Variants in TUBA3C observed in about 807,000 individuals in gnomAD.
TUBA3C encodes tubulin alpha 3c, also known as tubulin alpha-3C chain.
TUBA3C carries 23 observed loss-of-function variants against 33.4 expected under a neutral mutation model. That is an observed-to-expected ratio of 0.69 (90% CI 0.50 to 0.98). TUBA3C has a LOEUF of 0.98. TUBA3C is among the 50% of genes least tolerant of loss of function. The pLI is 0.00. For synonymous variants in TUBA3C, 269 were observed against 250.4 expected (o/e 1.07, Z -0.70); for missense variants, 402 against 616.0 (o/e 0.65, Z 3.68).
At chr13:19,176,361 A>G (rs1314737243) in intron 4 of TUBA3C, among the ~76,000 whole-genome samples, 1 of 151,908 alleles carries the variant, frequency 6.6e-6, no homozygotes, top group East Asian at 1.9e-4. Flanking sequence ...GGTTGCAGTG[A>G]ACCGAGATCA....
chr13:19,177,446 C>T lies in TUBA3C; in HGVS notation c.537G>A (p.Thr179=), dbSNP rs750520665. 40 of 1,613,940 alleles carry T rather than the reference C, an allele frequency of 2.5e-5. No individual in the cohort carries two copies. The highest frequency in any genetic ancestry group is 5.3e-5 in the African/African-American group (4 of 74,886). Residue 179 remains threonine, a synonymous_variant, in exon 4 of 5, where the codon ACG becomes ACA. Transcript: ENST00000400113. The surrounding 1 kb of genome is among the most constrained non-coding windows in gnomAD (Gnocchi z 5.0). The part of the protein sequence containing the change: ...FAIYPAPQVS[T]AVVEPYNSIL... Reference sequence around the variant, plus strand: ...TGGAGTTGTAGGGCTCCACCACGGCCGTGGAGACCTGGGGGGCTGGGTAAA... The same window carrying T: ...TGGAGTTGTAGGGCTCCACCACGGCTGTGGAGACCTGGGGGGCTGGGTAAA...
At position 19,178,332 on chromosome 13, in the gene TUBA3C, C is replaced by T. The variant is rs753712796; in HGVS notation, c.289G>A (p.Glu97Lys). 31 of 1,614,202 alleles carry T rather than the reference C, an allele frequency of 1.9e-5. No individual in the cohort carries two copies. The highest frequency in any genetic ancestry group is 2.6e-5 in the Non-Finnish European group (31 of 1,180,046). ...CTGGCGTAATTATTGGCCGCATCTTCCTTCCCGGTGATCAGCTGCTCTGGG... is the reference window on the plus strand; with the variant it reads ...CTGGCGTAATTATTGGCCGCATCTTTCTTCCCGGTGATCAGCTGCTCTGGG... ...FHPEQLITGK[E>K]DAANNYARGH... Residue 97 changes from glutamate to lysine, a missense_variant, in exon 3 of 5, where the codon GAA becomes AAA. Physicochemically the swap from Glu to Lys is moderately conservative, Grantham distance 56. Coordinates refer to ENST00000400113, the MANE Select transcript of TUBA3C (RefSeq NM_006001.3).
chr13:19,177,176 C>G lies in TUBA3C; in HGVS notation c.807G>C (p.Leu269=), dbSNP rs1869222009. The stretch of plus-strand genomic sequence containing the variant: ...CTGAGATGACCGGGGCGTAGGTGGC[C>G]AGGGGGAAGTGGATGCGGGGGTACG... ...LVPYPRIHFP[L]ATYAPVISAE... is the part of the protein sequence containing the mutation. Residue 269 remains leucine, a synonymous_variant, in exon 4 of 5, where the codon CTG becomes CTC. Coordinates refer to ENST00000400113, the MANE Select transcript of TUBA3C (RefSeq NM_006001.3). The surrounding 1 kb of genome is among the most constrained non-coding windows in gnomAD (Gnocchi z 5.0). 1.2e-6 allele frequency: 2 copies of G among 1,613,896 alleles called. No individual in the cohort carries two copies. Among genetic ancestry groups the G allele is most frequent in the Non-Finnish European group, 1.7e-6 (2 of 1,180,034 alleles).
At position 19,179,409 on chromosome 13, in the gene TUBA3C, A is replaced by T. The variant is rs143840369; in HGVS notation, c.158T>A (p.Phe53Tyr). The part of the protein sequence containing the change: ...GGGDDSFNTF[F>Y]SETGAGKHVP... ...GTGCTTGCCAGCTCCAGTCTCACTGAAGAACGTGTTGAAGGAGTCGTCCCC... is the reference window on the plus strand; with the variant it reads ...GTGCTTGCCAGCTCCAGTCTCACTGTAGAACGTGTTGAAGGAGTCGTCCCC... Residue 53 changes from phenylalanine (F) to tyrosine (Y), a missense_variant, in exon 2 of 5, where the codon TTC becomes TAC. Physicochemically the swap from Phe to Tyr is conservative, Grantham distance 22. Transcript: ENST00000400113. The T allele has an allele frequency of 6.2e-7, 1 of 1,613,866 alleles. No homozygotes were observed. Among genetic ancestry groups the T allele is most frequent in the Non-Finnish European group, 8.5e-7 (1 of 1,179,912 alleles).
At position 19,181,619 on chromosome 13, in the gene TUBA3C, T is replaced by C. The variant is rs981600444; in HGVS notation, c.3+126A>G. 76 of 1,393,474 alleles carry C rather than the reference T, an allele frequency of 5.5e-5. No individual in the cohort carries two copies. In the African/African-American group the frequency reaches 9.1e-4, roughly 17 times the overall value. The allele number at this position is 1,393,474 out of a possible 1,614,324, so 86.3% of individuals were successfully genotyped here. ...CTCGTGTCCCGCCCTGGGCCCCGCA[T>C]CCTTCTCTGACCTCCTTTCTGCACC... On this transcript the variant is annotated intron_variant, in intron 1 of 4. Transcript: ENST00000400113.
chr13:19,178,184 T>G (rs1232407094), intron 3 of TUBA3C, 62 bp downstream of exon 3: 2 of 1,593,948 alleles, frequency 1.3e-6, no homozygotes, highest in Non-Finnish European at 1.7e-6. Context: ...GACCTCCCCT[T>G]CACAATCTAA....
rs766576336 is a variant in TUBA3C at position 19,177,555 on chromosome 13, C to T, written c.428G>A (p.Gly143Asp). Residue 143 changes from glycine to aspartate, a missense_variant, in exon 4 of 5, where the codon GGT (glycine) becomes GAT (aspartate). Transcript: ENST00000400113. This position sits in a 1 kb window ranked among gnomAD's most constrained non-coding sequence, Gnocchi z 5.0. Reference protein sequence around the residue: ...QGFLIFHSFGGGTGSGFASLL... With the variant: ...QGFLIFHSFGDGTGSGFASLL... ...AGATGCGAACCCAGAGCCAGTGCCACCCCCAAAACTGTGGAAGATGAGGAA... is the reference window on the plus strand; with the variant it reads ...AGATGCGAACCCAGAGCCAGTGCCATCCCCAAAACTGTGGAAGATGAGGAA... The T allele has an allele frequency of 1.9e-6, 3 of 1,611,376 alleles. No individual in the cohort carries two copies. Among genetic ancestry groups the T allele is most frequent in the East Asian group, 2.2e-5 (1 of 44,842 alleles).
At position 19,178,245 on chromosome 13, in the gene TUBA3C, C is replaced by A; in HGVS notation, c.375+1G>T. 1 of 1,614,106 alleles carries A rather than the reference C, an allele frequency of 6.2e-7. No individual in the cohort carries two copies. Among genetic ancestry groups the A allele is most frequent in the Non-Finnish European group, 8.5e-7 (1 of 1,179,982 alleles). ...GGTCACATGAAGCCTTCTCTTCTTA[C>A]CAGTTTGCGGATCCGGTCCAGGACC... On this transcript the variant is annotated splice_donor_variant, in intron 3 of 4. Coordinates refer to ENST00000400113, the MANE Select transcript of TUBA3C (RefSeq NM_006001.3). LOFTEE classifies it high-confidence loss of function.
intron 4 of TUBA3C, among the ~76,000 whole-genome samples, chr13:19,176,180 A>T: frequency 6.6e-6 from 1 of 151,830 alleles, no homozygotes; most frequent in East Asian, 1.9e-4. Context: ...ACATTTTGGG[A>T]GGCTAAGACA....
Position 19,173,992 on chromosome 13 carries a change from G to C in TUBA3C, c.1224C>G (p.Tyr408Ter), listed in dbSNP as rs753881610. 1.3e-5 allele frequency: 21 copies of C among 1,612,068 alleles called. No homozygotes were observed. The change falls in exon 5 of 5, where the codon TAC (tyrosine) becomes TAG (stop). Residue 408 changes from tyrosine to a stop codon, truncating the protein, a stop_gained. Coordinates refer to ENST00000400113, the MANE Select transcript of TUBA3C (RefSeq NM_006001.3). LOFTEE classifies it high-confidence loss of function. ...CCCCCTCCTCCATGCCTTCTCCCAC[G>C]TACCAGTGCACAAAGGCCCGCTTGG... ...MYAKRAFVHWYVGEGMEEGEF... is the reference protein window; with the variant it reads ...MYAKRAFVHW
intron 2 of TUBA3C, 104 bp downstream of exon 2, chr13:19,179,237 C>T: frequency 6.6e-7 from 1 of 1,518,074 alleles, no homozygotes; most frequent in African/African-American, 1.4e-5. Context: ...GCTTGTCTAT[C>T]TCATACCTTC....
At position 19,174,433 on chromosome 13, in the gene TUBA3C, A is replaced by AT. The variant is rs11312319; in HGVS notation, c.1057-275dup. On this transcript the variant is annotated intron_variant, in intron 4 of 4. Transcript: ENST00000400113. ...ACAGTCATGAGGCAGCATGCCCAGC[A>AT]TTTTTTTTTTTTTTTAAGAATAAGG... Among the ~76,000 whole-genome samples the AT allele has an allele frequency of 1.3e-3, 183 of 145,242 alleles. 1 individual carries two copies. The highest frequency in any genetic ancestry group is 2.9e-3 in the East Asian group (14 of 4,868).
Position 19,177,357 on chromosome 13 carries a change from A to G in TUBA3C, c.626T>C (p.Ile209Thr). ...CAGGTTGCGCCGACATATGTCATAG[A>G]TGGCTTCATTGTCGACCATGAAGGC... ...DCAFMVDNEA[I>T]YDICRRNLDI... Residue 209 changes from isoleucine (I) to threonine (T), a missense_variant, in exon 4 of 5, where the codon ATC becomes ACC. Physicochemically the swap from Ile to Thr is moderately conservative, Grantham distance 89. Coordinates refer to ENST00000400113, the MANE Select transcript of TUBA3C (RefSeq NM_006001.3). This position sits in a 1 kb window ranked among gnomAD's most constrained non-coding sequence, Gnocchi z 5.0. The G allele has an allele frequency of 6.2e-7, 1 of 1,614,084 alleles. No individual in the cohort carries two copies. Among genetic ancestry groups the G allele is most frequent in the Non-Finnish European group, 8.5e-7 (1 of 1,180,028 alleles).
At position 19,177,605 on chromosome 13, in the gene TUBA3C, C is replaced by A; in HGVS notation, c.378G>T (p.Ala126=). ...DLVLDRIRKL[A]DLCTGLQGFL... is the part of the protein sequence containing the mutation. ...AGCCCTGCAGTCCCGTGCACAGATC[C>A]GCCTGAGGGAAACCAGACAACATGA... The change falls in exon 4 of 5, where the codon GCG becomes GCT. Residue 126 remains alanine, a splice_region_variant and synonymous_variant. Transcript: ENST00000400113. The surrounding 1 kb of genome is among the most constrained non-coding windows in gnomAD (Gnocchi z 5.0). The A allele has an allele frequency of 6.4e-7, 1 of 1,563,534 alleles. No homozygotes were observed. Among genetic ancestry groups the A allele is most frequent in the Non-Finnish European group, 8.7e-7 (1 of 1,155,754 alleles).
rs1404467205 is a variant in TUBA3C, at chr13:19,180,084, AGCATCAGAGGCCTTCCTT to A, written c.4-539_4-522del. Reference sequence around the variant, plus strand: ...CTCTCCGAGGCTGACCCATGAGGACAGCATCAGAGGCCTTCCTTGCTCTCTGGCTTCGTGCTGGTTTGT... The same window carrying A: ...CTCTCCGAGGCTGACCCATGAGGACAGCTCTCTGGCTTCGTGCTGGTTTGT... On this transcript the variant is annotated intron_variant, in intron 1 of 4. Transcript: ENST00000400113. Among the ~76,000 whole-genome samples, 52 of 152,286 alleles carry A rather than the reference AGCATCAGAGGCCTTCCTT, an allele frequency of 3.4e-4. No individual in the cohort carries two copies. In the East Asian group the frequency reaches 9.9e-3, roughly 29 times the overall value.
chr13:19,181,561 G>A (rs1364850163), intron 1 of TUBA3C, among the ~76,000 whole-genome samples, 184 bp downstream of exon 1: 1 of 152,176 alleles, frequency 6.6e-6, no homozygotes, highest in Non-Finnish European at 1.5e-5. Flanking sequence ...TCCCTGCCCT[G>A]GAGCCCGCAG....
chr13:19,179,444 G>T lies in TUBA3C; in HGVS notation c.123C>A (p.Thr41=), dbSNP rs199985252. 58 of 1,613,920 alleles carry T rather than the reference G, an allele frequency of 3.6e-5. No individual in the cohort carries two copies. Among genetic ancestry groups the T allele is most frequent in the Non-Finnish European group, 4.9e-5 (58 of 1,179,972 alleles). ...QPDGQMPSDK[T]IGGGDDSFNT... ...TGAAGGAGTCGTCCCCACCACCAAT[G>T]GTTTTATCACTTGGCATCTGACCAT... is the stretch of plus-strand genomic sequence containing the variant. Residue 41 remains threonine, a synonymous_variant, in exon 2 of 5, where the codon ACC becomes ACA. Coordinates refer to ENST00000400113, the MANE Select transcript of TUBA3C (RefSeq NM_006001.3).
At chr13:19,175,995 T>C (rs1869166876) in intron 4 of TUBA3C, among the ~76,000 whole-genome samples, 1 of 152,174 alleles carries the variant, frequency 6.6e-6, no homozygotes, top group Non-Finnish European at 1.5e-5. Flanking sequence ...CCGCCTGCCT[T>C]GGCCTCCCAA....
chr13:19,181,715 G>C (rs767688353), intron 1 of TUBA3C, 30 bp downstream of exon 1: 6 of 1,601,502 alleles, frequency 3.7e-6, no homozygotes, highest in African/African-American at 2.7e-5. Flanking sequence ...CAGCCTGGGC[G>C]TCTGCGGGGT....
Sources: allele counts gnomAD v4.1 joint callset (sites outside exome capture counted in the v4.1 genomes callset), GRCh38; gene constraint gnomAD v4.1.1; non-coding constraint Gnocchi (gnomAD v3.1); transcripts MANE v1.5; gene names NCBI Gene and HGNC (gene_info 2026-07-23, HGNC 2026-07-21).